NIT2: variants seen among roughly 807,000 people sequenced by gnomAD.
NIT2 encodes omega-amidase NIT2.
Under a neutral mutation model 42.7 loss-of-function variants are expected in NIT2, and 46 were observed. The observed-to-expected ratio is 1.08, with a 90% CI of 0.85 to 1.38. NIT2 has a LOEUF of 1.38. Ranked by LOEUF, NIT2 falls within the 40% of genes most tolerant of loss-of-function variation. The pLI, the probability that NIT2 is intolerant of heterozygous loss-of-function variation, is 0.00. For synonymous variants in NIT2, 123 were observed against 121.9 expected (o/e 1.01, Z -0.06); for missense variants, 309 against 342.5 (o/e 0.90, Z 0.77).
At chr3:100,340,005 G>C in intron 3 of NIT2, 70 bp downstream of exon 3, 1 of 1,361,544 alleles carries the variant, frequency 7.3e-7, no homozygotes. Flanking sequence ...GTGTGGTGGC[G>C]TGCGCCTGTA....
At position 100,345,601 on chromosome 3, in the gene NIT2, T is replaced by C. The variant is rs141239643; in HGVS notation, c.353T>C (p.Ile118Thr). The part of the protein sequence containing the change: ...AKYRKIHLFD[I>T]DVPGKITFQE... ...GTGATGCAGATCCATCTGTTTGACA[T>C]TGATGTTCCTGGAAAAATTACATTT... Residue 118 changes from isoleucine to threonine, a missense_variant, in exon 5 of 10, where the codon ATT (isoleucine) becomes ACT (threonine). Ile to Thr is a moderately conservative substitution (Grantham distance 89). Transcript: ENST00000394140. 3.7e-6 allele frequency: 6 copies of C among 1,611,504 alleles called. No homozygotes were observed. The East Asian group carries it at 1.1e-4, about 30-fold the overall frequency.
rs1334401282 is a variant in NIT2, at chr3:100,360,362, G to A, written c.*5094G>A. On this transcript the variant is annotated 3_prime_UTR_variant, in exon 10 of 10. Coordinates refer to ENST00000394140, the MANE Select transcript of NIT2 (RefSeq NM_020202.5). ...CTCACGCCTGTAATCCCAGCACTTT[G>A]GGAGGCCAAGATGGGCAGATCACTT... is the stretch of plus-strand genomic sequence containing the variant. 6.6e-6 allele frequency: 1 copy of A among 152,390 alleles called. No homozygotes were observed. Among genetic ancestry groups the A allele is most frequent in the Non-Finnish European group, 1.5e-5 (1 of 68,190 alleles). The allele number at this position is 152,390 out of a possible 1,614,324, so 9.4% of individuals were successfully genotyped here. A position where few individuals can be genotyped will look rare whatever the true frequency, so the allele number is the denominator to read the frequency against.
At chr3:100,335,646 G>T (rs17279967) in intron 1 of NIT2, among the ~76,000 whole-genome samples, 40,001 of 152,140 alleles carry the variant, frequency 0.26, 5,463 homozygotes, top group African/African-American at 0.33. Context: ...GCCCTTGTGG[G>T]TGAGATGTGT....
At chr3:100,340,043 G>C in intron 3 of NIT2, 108 bp downstream of exon 3, 18 of 851,986 alleles carry the variant, frequency 2.1e-5, no homozygotes, top group Non-Finnish European at 3.2e-5. Flanking sequence ...TTCAGCTTGG[G>C]AAGCTGAAGC....
Position 100,360,835 on chromosome 3 carries a change from T to TATC in NIT2, c.*5568_*5570dup. The stretch of plus-strand genomic sequence containing the variant: ...AATGACAGCTTTGGAAGGTAGAGAC[T>TATC]ATCTTCCTCTGGATCATAGGACAGG... On this transcript the variant is annotated 3_prime_UTR_variant, in exon 10 of 10. Transcript: ENST00000394140. 6.6e-6 allele frequency: 1 copy of TATC among 152,364 alleles called. No homozygotes were observed. Among genetic ancestry groups the TATC allele is most frequent in the South Asian group, 2.1e-4 (1 of 4,832 alleles). The allele number at this position is 152,364 out of a possible 1,614,324, so 9.4% of individuals were successfully genotyped here. A position where few individuals can be genotyped will look rare whatever the true frequency, so the allele number is the denominator to read the frequency against.
Position 100,345,567 on chromosome 3 carries a change from C to A in NIT2, c.337-18C>A. On this transcript the variant is annotated intron_variant, in intron 4 of 9. Transcript: ENST00000394140. The stretch of plus-strand genomic sequence containing the variant: ...CCTGCTGGAAAAGAGGTAACCAAAT[C>A]CATTATTTGTGATGCAGATCCATCT... The A allele has an allele frequency of 6.4e-7, 1 of 1,560,558 alleles. No individual in the cohort carries two copies. Among genetic ancestry groups the A allele is most frequent in the African/African-American group, 1.4e-5 (1 of 73,934 alleles).
At chr3:100,345,522 T>C (rs1706206460) in intron 4 of NIT2, 63 bp from the exon 5 acceptor site, 6 of 1,109,700 alleles carry the variant, frequency 5.4e-6, no homozygotes, top group East Asian at 2.5e-5. Flanking sequence ...GGGAAAGATA[T>C]TGTCATTACT....
At chr3:100,340,492 A>G (rs1379384660) in intron 3 of NIT2, among the ~76,000 whole-genome samples, 1 of 152,252 alleles carries the variant, frequency 6.6e-6, no homozygotes, top group Non-Finnish European at 1.5e-5. Flanking sequence ...GCTTAAATAA[A>G]AAATAAACAC....
Position 100,340,440 on chromosome 3 carries a change from T to C in NIT2, c.247+505T>C, listed in dbSNP as rs1706136417. ...AGAGGCCACATACATAAAGGTAGCT[T>C]TATTTTTGTGGTTTTGGAATAAATG... On this transcript the variant is annotated intron_variant, in intron 3 of 9. Coordinates refer to ENST00000394140, the MANE Select transcript of NIT2 (RefSeq NM_020202.5). Among the ~76,000 whole-genome samples, 5 of 152,196 alleles carry C rather than the reference T, an allele frequency of 3.3e-5. No homozygotes were observed. The South Asian group carries it at 1.0e-3, about 31-fold the overall frequency.
At chr3:100,339,007 T>C (rs1202756773) in intron 1 of NIT2, 80 bp from the exon 2 acceptor site, 2 of 995,256 alleles carry the variant, frequency 2.0e-6, no homozygotes, top group East Asian at 4.8e-5. Context: ...CATAACTGCC[T>C]TCCATTTGAG....
chr3:100,349,683 A>G (rs1225175879), intron 7 of NIT2: 1 of 152,216 alleles, frequency 6.6e-6, no homozygotes, highest in Non-Finnish European at 1.5e-5. Context: ...CCTCCTTCAC[A>G]CCATCCTACT....
At chr3:100,348,960 C>G (rs1706245619) in intron 7 of NIT2, 79 bp downstream of exon 7, 1 of 1,210,332 alleles carries the variant, frequency 8.3e-7, no homozygotes, top group Non-Finnish European at 1.2e-6. Flanking sequence ...GAGGTGCCAG[C>G]CTTCCTGATG....
At chr3:100,346,332 C>A in intron 6 of NIT2, 77 bp downstream of exon 6, 2 of 1,306,562 alleles carry the variant, frequency 1.5e-6, no homozygotes, top group African/African-American at 1.5e-5. Flanking sequence ...GATCCTTAGT[C>A]AAGAAAAGCT....
intron 7 of NIT2, among the ~76,000 whole-genome samples, chr3:100,350,662 C>A (rs952003680): frequency 6.6e-6 from 1 of 152,188 alleles, no homozygotes; most frequent in Admixed American, 6.5e-5. Context: ...TCACGACAGT[C>A]AGGAAGATCT....
intron 7 of NIT2, chr3:100,349,106 TA>T: frequency 2.6e-6 from 1 of 391,608 alleles, no homozygotes; most frequent in Non-Finnish European, 4.6e-6. Flanking sequence ...TTGGAAACTG[TA>T]CTTTTTTTTT....
In NIT2 at chr3:100,358,671, CATT is replaced by C. The variant is rs1293634336; in HGVS notation, c.*3406_*3408del. 6.6e-6 allele frequency: 1 copy of C among 152,126 alleles called. No individual in the cohort carries two copies. Among genetic ancestry groups the C allele is most frequent in the East Asian group, 1.9e-4 (1 of 5,188 alleles). 9.4% of individuals were successfully genotyped at this position (152,126 alleles called of 1,614,324 possible). The stretch of plus-strand genomic sequence containing the variant: ...TGGTTGCAAATGAATAAATAAGTAA[CATT>C]ATGGGGTTTTAAATGACCAAGGAGT... On this transcript the variant is annotated 3_prime_UTR_variant, in exon 10 of 10. Transcript: ENST00000394140.
At chr3:100,347,860 C>T (rs187888563) in intron 6 of NIT2, among the ~76,000 whole-genome samples, 86 of 151,702 alleles carry the variant, frequency 5.7e-4, no homozygotes, top group African/African-American at 1.9e-3. Flanking sequence ...GAGAGTCATG[C>T]GCAAGGAGGT....
intron 1 of NIT2, among the ~76,000 whole-genome samples, chr3:100,337,776 T>C (rs961583122): frequency 1.3e-5 from 2 of 152,208 alleles, no homozygotes; most frequent in African/African-American, 2.4e-5. Flanking sequence ...AAAAAATTAT[T>C]ATCTGGCCAG....
rs1052231104 is a variant in NIT2 at position 100,358,096 on chromosome 3, T to C, written c.*2828T>C. On this transcript the variant is annotated 3_prime_UTR_variant, in exon 10 of 10. Coordinates refer to ENST00000394140, the MANE Select transcript of NIT2 (RefSeq NM_020202.5). ...ACCCAGCCTTTTGTTTGTTTTTGTTTTTATGTATTTCATTAAATGAATTGT... is the reference window on the plus strand; with the variant it reads ...ACCCAGCCTTTTGTTTGTTTTTGTTCTTATGTATTTCATTAAATGAATTGT... 1 of 152,216 alleles carries C rather than the reference T, an allele frequency of 6.6e-6. No individual in the cohort carries two copies. Among genetic ancestry groups the C allele is most frequent in the African/African-American group, 2.4e-5 (1 of 41,448 alleles). 9.4% of individuals were successfully genotyped at this position (152,216 alleles called of 1,614,324 possible).
Sources: allele counts gnomAD v4.1 joint callset (sites outside exome capture counted in the v4.1 genomes callset), GRCh38; gene constraint gnomAD v4.1.1; transcripts MANE v1.5; gene names NCBI Gene and HGNC (gene_info 2026-07-23, HGNC 2026-07-21).